ADGRE3: variants seen among roughly 807,000 people sequenced by gnomAD.
ADGRE3 encodes the protein EGF-like module receptor 3.
A neutral mutation model predicts 80.1 loss-of-function variants in ADGRE3; 88 were observed. The observed-to-expected ratio is 1.10, with a 90% confidence interval of 0.93 to 1.31. The LOEUF (loss-of-function observed/expected upper bound fraction) is 1.31, where lower values mean the gene tolerates loss of function less well. Among genes scored for constraint, ADGRE3 ranks in the 40% most tolerant of loss-of-function variants. The probability of loss-of-function intolerance (pLI) is 0.00; values close to 1 mark genes in which losing one functional copy is unlikely to be tolerated. For missense variants in ADGRE3, 715 were observed against 776.5 expected (o/e 0.92, Z 0.94); for synonymous variants, 281 against 294.8 (o/e 0.95, Z 0.48).
chr19:14,657,842 C>T (rs1971814276), intron 5 of ADGRE3, among the ~76,000 whole-genome samples: 1 of 152,044 alleles, frequency 6.6e-6, no homozygotes, highest in Admixed American at 6.6e-5. Flanking sequence ...CCACTCACCG[C>T]AACCTCCGCC....
downstream of ADGRE3, among the ~76,000 whole-genome samples, chr19:14,614,189 G>A (rs961619135): frequency 9.2e-5 from 14 of 152,154 alleles, no homozygotes; most frequent in African/African-American, 2.7e-4. Flanking sequence ...GGTGGGTGTC[G>A]TGTTGTAAAC....
At chr19:14,621,133 C>G (rs1383785800) in intron 15 of ADGRE3, among the ~76,000 whole-genome samples, 1 of 152,000 alleles carries the variant, frequency 6.6e-6, no homozygotes, top group East Asian at 1.9e-4. Context: ...GATTCTCTTG[C>G]CTCAGTCTCC....
chr19:14,668,355 CT>C (rs113084264), intron 2 of ADGRE3, among the ~76,000 whole-genome samples: 1,537 of 148,206 alleles, frequency 0.01, 23 homozygotes, highest in African/African-American at 0.031. Flanking sequence ...ACCAGACAAA[CT>C]TTTTTTTTTT....
At chr19:14,645,490 C>T (rs1002497101) in intron 8 of ADGRE3, among the ~76,000 whole-genome samples, 2 of 151,870 alleles carry the variant, frequency 1.3e-5, no homozygotes, top group Non-Finnish European at 2.9e-5. Flanking sequence ...CAGACATCAT[C>T]GCTACTAAAA....
At chr19:14,621,562 A>G in intron 15 of ADGRE3, 1 of 663,570 alleles carries the variant, frequency 1.5e-6, no homozygotes, top group East Asian at 2.7e-5. Context: ...ATTGCCCTAA[A>G]GCTACCTAAC....
chr19:14,671,695 A>G (rs947491941), intron 1 of ADGRE3, among the ~76,000 whole-genome samples: 2 of 152,130 alleles, frequency 1.3e-5, no homozygotes, highest in African/African-American at 4.8e-5. Context: ...TACTTATGCA[A>G]TTGCATTCAC....
In ADGRE3 at chr19:14,633,228, A is replaced by G. The variant is rs1277687780; in HGVS notation, c.1551+8T>C. On this transcript the variant is annotated splice_region_variant and intron_variant, in intron 12 of 15. Transcript: ENST00000253673. ...CCTAGTTTGGGAACATCGAAGGCAC[A>G]TACTCACAGAGAAAATGGCACAGAC... The G allele has an allele frequency of 3.1e-6, 5 of 1,611,264 alleles. No homozygotes were observed. The Admixed American group carries it at 6.7e-5, about 22-fold the overall frequency.
chr19:14,644,565 C>T (rs1028844787), intron 8 of ADGRE3, among the ~76,000 whole-genome samples: 1 of 152,090 alleles, frequency 6.6e-6, no homozygotes, highest in Non-Finnish European at 1.5e-5. Context: ...AGCAATCTTC[C>T]TGCCTTTGCC....
the ADGRE3 span, chr19:14,609,982 T>C: frequency 9.9e-7 from 1 of 1,005,258 alleles, no homozygotes; most frequent in Admixed American, 2.0e-5. Context: ...TAGTGCCAGG[T>C]ATTCATCATT....
intron 8 of ADGRE3, among the ~76,000 whole-genome samples, chr19:14,644,719 A>G (rs1971352510): frequency 6.6e-6 from 1 of 150,868 alleles, no homozygotes; most frequent in Admixed American, 6.6e-5. Context: ...GACTCAGGTG[A>G]TTTCTGTTTT....
chr19:14,654,892 G>A (rs1179356438), intron 6 of ADGRE3, 90 bp downstream of exon 6: 10 of 946,986 alleles, frequency 1.1e-5, no homozygotes, highest in Admixed American at 9.7e-5. Flanking sequence ...GACTCATGTG[G>A]TGTATTCAAT....
chr19:14,636,130 CT>C lies in ADGRE3; in HGVS notation c.1484+1974del, dbSNP rs1272525138. ...TCTTTCTTTCTTTCTTTCTTTCTTT[CT>C]TTCTTTCTTTCTTTCTTTCTTCCTT... On this transcript the variant is annotated intron_variant, in intron 11 of 15. Transcript: ENST00000253673. 3.7e-4 allele frequency among the ~76,000 whole-genome samples: 29 copies of C among 78,470 alleles called. 3 individuals are homozygous for C. The highest frequency in any genetic ancestry group is 5.1e-4 in the Admixed American group (3 of 5,856). 51.5% of individuals were successfully genotyped at this position (78,470 alleles called of 152,430 possible).
the ADGRE3 span, among the ~76,000 whole-genome samples, chr19:14,603,834 A>G: frequency 6.6e-6 from 1 of 152,294 alleles, no homozygotes; most frequent in South Asian, 2.1e-4. Context: ...GCTGGAGACT[A>G]TTCTACATAT....
chr19:14,624,111 T>TTTTTTA, intron 15 of ADGRE3, among the ~76,000 whole-genome samples: 1 of 149,458 alleles, frequency 6.7e-6, no homozygotes, highest in Non-Finnish European at 1.5e-5. Flanking sequence ...TTTTTTTTTT[T>TTTTTTA]GAGACAGGGT....
the ADGRE3 span, among the ~76,000 whole-genome samples, chr19:14,605,978 G>A: frequency 1.3e-5 from 2 of 152,038 alleles, no homozygotes; most frequent in Non-Finnish European, 2.9e-5. Flanking sequence ...AGTCTCAAGC[G>A]ATCCTCCCTC....
At chr19:14,627,232 C>T (rs1013445944) in intron 14 of ADGRE3, among the ~76,000 whole-genome samples, 3 of 152,098 alleles carry the variant, frequency 2.0e-5, no homozygotes, top group Non-Finnish European at 4.4e-5. Flanking sequence ...CTAACTGTCC[C>T]GTGGTGGGAA....
the ADGRE3 span, chr19:14,610,269 C>A: frequency 1.3e-6 from 2 of 1,528,802 alleles, no homozygotes; most frequent in Non-Finnish European, 8.8e-7. Flanking sequence ...CTTTCGTGGA[C>A]GGCCTTGCCT....
chr19:14,620,534 ATTTTATATATATAT>A (rs745588872), intron 15 of ADGRE3, among the ~76,000 whole-genome samples: 3,902 of 17,432 alleles, frequency 0.22, 760 homozygotes, highest in Non-Finnish European at 0.26. Context: ...GAATATATAT[ATTTTATATATATAT>A]TATATATATA....
intron 2 of ADGRE3, among the ~76,000 whole-genome samples, chr19:14,665,022 T>G (rs540856076): frequency 1.1e-4 from 17 of 151,650 alleles, no homozygotes; most frequent in Non-Finnish European, 2.1e-4. Flanking sequence ...TGCCTGAGAA[T>G]TTTTTCCACA....
Sources: allele counts gnomAD v4.1 joint callset (sites outside exome capture counted in the v4.1 genomes callset), GRCh38; gene constraint gnomAD v4.1.1; transcripts MANE v1.5; gene names NCBI Gene and HGNC (gene_info 2026-07-23, HGNC 2026-07-21).